TPBGL: variants seen among roughly 807,000 people sequenced by gnomAD.
TPBGL encodes trophoblast glycoprotein-like.
For missense variants in TPBGL, 685 were observed against 609.4 expected (o/e 1.12, Z -1.31); for synonymous variants, 380 against 314.8 (o/e 1.21, Z -2.19).
Position 75,243,480 on chromosome 11 carries a change from C to G in TPBGL, c.*1282C>G, listed in dbSNP as rs1017183870. On this transcript the variant is annotated 3_prime_UTR_variant, in exon 1 of 1. Transcript: ENST00000562197. The stretch of plus-strand genomic sequence containing the variant: ...TCAGAAGCTCAGCACCTTGCCTTCT[C>G]CATGATCCCAAAGCACAATTGGTGA... 1 of 152,280 alleles carries G rather than the reference C, an allele frequency of 6.6e-6. No individual in the cohort carries two copies. The highest frequency in any genetic ancestry group is 1.5e-5 in the Non-Finnish European group (1 of 68,068). 9.4% of individuals were successfully genotyped at this position (152,280 alleles called of 1,614,324 possible).
In TPBGL at chr11:75,242,149, C is replaced by T; in HGVS notation, c.1100C>T (p.Pro367Leu). 1.7e-6 allele frequency: 2 copies of T among 1,202,332 alleles called. No homozygotes were observed. The highest frequency in any genetic ancestry group is 2.1e-6 in the Non-Finnish European group (2 of 972,234). The allele number at this position is 1,202,332 out of a possible 1,614,324, so 74.5% of individuals were successfully genotyped here. ...GCCGACCCGCGCCGCGCGCCCGCGC[C>T]CGCCGCGCCCGCGGGCTCCCGCGCC... ...QDADPRRAPA[P>L]AAPAGSRATS... Residue 367 changes from proline (P) to leucine (L), a missense_variant, in exon 1 of 1, where the codon CCC becomes CTC. Physicochemically the swap from Pro to Leu is moderately conservative, Grantham distance 98. Transcript: ENST00000562197.
chr11:75,242,186 C>G lies in TPBGL; in HGVS notation c.1137C>G (p.Gly379=), dbSNP rs374014009. ...APAGSRATSP[G]SGL ...CGGGCTCCCGCGCCACCTCCCCGGG[C>G]TCGGGGCTCTGAGCGGCGCCCCCGG... The change falls in exon 1 of 1, where the codon GGC becomes GGG. Residue 379 remains glycine (G), a synonymous_variant. Transcript: ENST00000562197. The G allele has an allele frequency of 8.7e-7, 1 of 1,146,284 alleles. No homozygotes were observed. 71.0% of individuals were successfully genotyped at this position (1,146,284 alleles called of 1,614,324 possible).
chr11:75,241,344 CT>C lies in TPBGL; in HGVS notation c.296del (p.Leu99ArgfsTer81). 1 of 1,361,926 alleles carries C rather than the reference CT, an allele frequency of 7.3e-7. No homozygotes were observed. The highest frequency in any genetic ancestry group is 9.4e-7 in the Non-Finnish European group (1 of 1,061,988). The allele number at this position is 1,361,926 out of a possible 1,614,324, so 84.4% of individuals were successfully genotyped here. ...AGVRLPLLSA[L>X]RLTHNHIEVV... is the part of the protein sequence containing the mutation. ...CGTGCGCCTGCCGCTCCTGAGCGCG[CT>C]GCGCCTCACGCACAACCACATCGAG... On this transcript the variant is annotated frameshift_variant, in exon 1 of 1. Transcript: ENST00000562197. LOFTEE classifies it low-confidence loss of function (END_TRUNC).
chr11:75,243,665 G>C lies in TPBGL; in HGVS notation c.*1467G>C, dbSNP rs947030128. ...CCCAGAAAATCTGGATCTCCCTTGA[G>C]CAGTTTTCTATAAAGTCTGCAATAA... On this transcript the variant is annotated 3_prime_UTR_variant, in exon 1 of 1. Coordinates refer to ENST00000562197, the MANE Select transcript of TPBGL (RefSeq NM_001195528.2). The C allele has an allele frequency of 6.6e-6, 1 of 152,206 alleles. No homozygotes were observed. The highest frequency in any genetic ancestry group is 2.4e-5 in the African/African-American group (1 of 41,434). The allele number at this position is 152,206 out of a possible 1,614,324, so 9.4% of individuals were successfully genotyped here. A position where few individuals can be genotyped will look rare whatever the true frequency, so the allele number is the denominator to read the frequency against.
rs748555676 is a variant in TPBGL at position 75,241,801 on chromosome 11, A to G, written c.752A>G (p.Asn251Ser). The change falls in exon 1 of 1, where the codon AAC becomes AGC. Residue 251 changes from asparagine to serine, a missense_variant. Transcript: ENST00000562197. Reference sequence around the variant, plus strand: ...CGCCCCCTGCTGGCCTGGCTGCGCAACGCCACGGAGCGCGTGCCCGACTCG... The same window carrying G: ...CGCCCCCTGCTGGCCTGGCTGCGCAGCGCCACGGAGCGCGTGCCCGACTCG... ...AARPLLAWLR[N>S]ATERVPDSRR... 2.1e-5 allele frequency: 27 copies of G among 1,308,674 alleles called. No homozygotes were observed. The South Asian group carries it at 5.0e-4, about 24-fold the overall frequency. The allele number at this position is 1,308,674 out of a possible 1,614,324, so 81.1% of individuals were successfully genotyped here.
At position 75,241,842 on chromosome 11, in the gene TPBGL, G is replaced by A. The variant is rs1234937348; in HGVS notation, c.793G>A (p.Ala265Thr). The A allele has an allele frequency of 7.0e-6, 9 of 1,291,972 alleles. No homozygotes were observed. The highest frequency in any genetic ancestry group is 2.9e-4 in the Middle Eastern group (1 of 3,466). 80.0% of individuals were successfully genotyped at this position (1,291,972 alleles called of 1,614,324 possible). A position where few individuals can be genotyped will look rare whatever the true frequency, so the allele number is the denominator to read the frequency against. The change falls in exon 1 of 1, where the codon GCC (alanine) becomes ACC (threonine). Residue 265 changes from alanine (A) to threonine (T), a missense_variant. Ala to Thr is a moderately conservative substitution (Grantham distance 58). Coordinates refer to ENST00000562197, the MANE Select transcript of TPBGL (RefSeq NM_001195528.2). Reference sequence around the variant, plus strand: ...GCCCGACTCGCGGCGCCTGCGCTGCGCCGCCCCGCGGGCGCTGCTAGACCG... The same window carrying A: ...GCCCGACTCGCGGCGCCTGCGCTGCACCGCCCCGCGGGCGCTGCTAGACCG... ...RVPDSRRLRC[A>T]APRALLDRPL... is the part of the protein sequence containing the mutation.
In TPBGL at chr11:75,242,070, C is replaced by G. The variant is rs1565567878; in HGVS notation, c.1021C>G (p.Arg341Gly). ...RGIQRWMRNL[R>G]EACRDQMEGY... ...CATCCAGCGCTGGATGCGCAACCTG[C>G]GCGAGGCGTGCCGGGACCAGATGGA... Residue 341 changes from arginine to glycine, a missense_variant, in exon 1 of 1, where the codon CGC becomes GGC. Coordinates refer to ENST00000562197, the MANE Select transcript of TPBGL (RefSeq NM_001195528.2). 1.4e-6 allele frequency: 2 copies of G among 1,442,582 alleles called. No individual in the cohort carries two copies. The highest frequency in any genetic ancestry group is 2.6e-5 in the South Asian group (2 of 76,274). 89.4% of individuals were successfully genotyped at this position (1,442,582 alleles called of 1,614,324 possible). A position where few individuals can be genotyped will look rare whatever the true frequency, so the allele number is the denominator to read the frequency against.
Position 75,241,689 on chromosome 11 carries a change from G to A in TPBGL, c.640G>A (p.Glu214Lys), listed in dbSNP as rs1250366431. 2.0e-5 allele frequency: 25 copies of A among 1,274,870 alleles called. No individual in the cohort carries two copies. Among genetic ancestry groups the A allele is most frequent in the Non-Finnish European group, 2.4e-5 (24 of 1,008,374 alleles). 79.0% of individuals were successfully genotyped at this position (1,274,870 alleles called of 1,614,324 possible). A position where few individuals can be genotyped will look rare whatever the true frequency, so the allele number is the denominator to read the frequency against. ...LNALAGLDPD[E>K]LRALERDGGL... ...CGCGCTGGCCGGCCTGGACCCCGAC[G>A]AGCTGCGCGCGCTGGAGCGCGATGG... The change falls in exon 1 of 1, where the codon GAG (glutamate) becomes AAG (lysine). Residue 214 changes from glutamate (E) to lysine (K), a missense_variant. Transcript: ENST00000562197.
chr11:75,243,452 G>C lies in TPBGL; in HGVS notation c.*1254G>C, dbSNP rs1229245622. ...CTCAGGCACAAGCCCTCCTGGTTCA[G>C]GGTCAGAAGCTCAGCACCTTGCCTT... On this transcript the variant is annotated 3_prime_UTR_variant, in exon 1 of 1. Transcript: ENST00000562197. 6.6e-6 allele frequency: 1 copy of C among 152,328 alleles called. No homozygotes were observed. Among genetic ancestry groups the C allele is most frequent in the Admixed American group, 6.5e-5 (1 of 15,276 alleles). 9.4% of individuals were successfully genotyped at this position (152,328 alleles called of 1,614,324 possible).
rs1043329261 is a variant in TPBGL at position 75,242,346 on chromosome 11, A to G, written c.*148A>G. 7 of 983,512 alleles carry G rather than the reference A, an allele frequency of 7.1e-6. 1 individual carries two copies. The Admixed American group carries it at 2.2e-4, about 31-fold the overall frequency. 60.9% of individuals were successfully genotyped at this position (983,512 alleles called of 1,614,324 possible). ...CCCGCCTCCGAGAGCTCCCACCGTC[A>G]AAGACCCAGAGATAGCCGGTCCGAA... On this transcript the variant is annotated 3_prime_UTR_variant, in exon 1 of 1. Coordinates refer to ENST00000562197, the MANE Select transcript of TPBGL (RefSeq NM_001195528.2).
Position 75,241,602 on chromosome 11 carries a change from AGCCGTCT to A in TPBGL, c.558_564del (p.Leu187GlnfsTer83). The A allele has an allele frequency of 7.6e-7, 1 of 1,316,234 alleles. No homozygotes were observed. The highest frequency in any genetic ancestry group is 9.8e-7 in the Non-Finnish European group (1 of 1,025,022). 81.5% of individuals were successfully genotyped at this position (1,316,234 alleles called of 1,614,324 possible). ...GCTGGGCCTAGCGGGCAACGCGCTG[AGCCGTCT>A]GCCGCCAGCCGCCCTGCGCCTGGCG... On this transcript the variant is annotated frameshift_variant, in exon 1 of 1. Coordinates refer to ENST00000562197, the MANE Select transcript of TPBGL (RefSeq NM_001195528.2). LOFTEE classifies it low-confidence loss of function (END_TRUNC).
Position 75,241,968 on chromosome 11 carries a change from T to G in TPBGL, c.919T>G (p.Ser307Ala), listed in dbSNP as rs1945604740. Reference protein sequence around the residue: ...AEAAGPELEASYVFFGLVLAL... With the variant: ...AEAAGPELEAAYVFFGLVLAL... The stretch of plus-strand genomic sequence containing the variant: ...GGCCGCCGGCCCGGAGCTGGAAGCC[T>G]CCTACGTGTTCTTCGGGCTGGTGCT... The change falls in exon 1 of 1, where the codon TCC (serine) becomes GCC (alanine). Residue 307 changes from serine (S) to alanine (A), a missense_variant. Ser to Ala is a moderately conservative substitution (Grantham distance 99, BLOSUM62 1). Transcript: ENST00000562197. 1 of 1,498,408 alleles carries G rather than the reference T, an allele frequency of 6.7e-7. No homozygotes were observed. The highest frequency in any genetic ancestry group is 1.4e-5 in the African/African-American group (1 of 70,192). The allele number at this position is 1,498,408 out of a possible 1,614,324, so 92.8% of individuals were successfully genotyped here. A position where few individuals can be genotyped will look rare whatever the true frequency, so the allele number is the denominator to read the frequency against.
At position 75,241,657 on chromosome 11, in the gene TPBGL, G is replaced by A. The variant is rs1470345635; in HGVS notation, c.608G>A (p.Arg203His). The change falls in exon 1 of 1, where the codon CGC becomes CAC. Residue 203 changes from arginine (R) to histidine (H), a missense_variant. Arg to His is a conservative substitution (Grantham distance 29). Coordinates refer to ENST00000562197, the MANE Select transcript of TPBGL (RefSeq NM_001195528.2). ...GCGCGCCTGGAGCAGCTGGACGTGCGCCTCAACGCGCTGGCCGGCCTGGAC... is the reference window on the plus strand; with the variant it reads ...GCGCGCCTGGAGCAGCTGGACGTGCACCTCAACGCGCTGGCCGGCCTGGAC... The part of the protein sequence containing the change: ...RLARLEQLDV[R>H]LNALAGLDPD... The A allele has an allele frequency of 2.3e-6, 3 of 1,307,174 alleles. No individual in the cohort carries two copies. The highest frequency in any genetic ancestry group is 1.7e-5 in the South Asian group (1 of 60,296). The allele number at this position is 1,307,174 out of a possible 1,614,324, so 81.0% of individuals were successfully genotyped here.
chr11:75,241,876 T>A lies in TPBGL; in HGVS notation c.827T>A (p.Leu276Gln). 2 of 1,437,540 alleles carry A rather than the reference T, an allele frequency of 1.4e-6. No individual in the cohort carries two copies. The allele number at this position is 1,437,540 out of a possible 1,614,324, so 89.0% of individuals were successfully genotyped here. Residue 276 changes from leucine (L) to glutamine (Q), a missense_variant, in exon 1 of 1, where the codon CTG (leucine) becomes CAG (glutamine). By Grantham distance (113) the Leu-to-Gln change is moderately radical. Coordinates refer to ENST00000562197, the MANE Select transcript of TPBGL (RefSeq NM_001195528.2). ...CGGGCGCTGCTAGACCGGCCGCTAC[T>A]GGACCTGGACGGGGCGCGGCTTCGC... ...APRALLDRPL[L>Q]DLDGARLRCA...
In TPBGL at chr11:75,241,544, C is replaced by T; in HGVS notation, c.495C>T (p.Asp165=). The change falls in exon 1 of 1, where the codon GAC becomes GAT. Residue 165 remains aspartate (D), a synonymous_variant. Coordinates refer to ENST00000562197, the MANE Select transcript of TPBGL (RefSeq NM_001195528.2). ...RGGPALLAAL[D]AALAPLAELR... ...GCCCCGCGCTGCTGGCCGCGCTGGACGCTGCGCTGGCACCGCTGGCCGAGC... is the reference window on the plus strand; with the variant it reads ...GCCCCGCGCTGCTGGCCGCGCTGGATGCTGCGCTGGCACCGCTGGCCGAGC... 1.6e-6 allele frequency: 2 copies of T among 1,260,846 alleles called. No homozygotes were observed. The highest frequency in any genetic ancestry group is 2.0e-6 in the Non-Finnish European group (2 of 998,588). 78.1% of individuals were successfully genotyped at this position (1,260,846 alleles called of 1,614,324 possible). A position where few individuals can be genotyped will look rare whatever the true frequency, so the allele number is the denominator to read the frequency against.
In TPBGL at chr11:75,241,104, G is replaced by A; in HGVS notation, c.55G>A (p.Ala19Thr). The change falls in exon 1 of 1, where the codon GCG (alanine) becomes ACG (threonine). Residue 19 changes from alanine (A) to threonine (T), a missense_variant. By Grantham distance (58) the Ala-to-Thr change is moderately conservative (BLOSUM62 0). Coordinates refer to ENST00000562197, the MANE Select transcript of TPBGL (RefSeq NM_001195528.2). ...CCAGGGGCTGCTGCTCGTGGCGGCG[G>A]CGCTGAGCCAGCCCGCGGCACCCTG... ...GLQGLLLVAA[A>T]LSQPAAPCPF... 7.2e-7 allele frequency: 1 copy of A among 1,382,692 alleles called. No homozygotes were observed. Among genetic ancestry groups the A allele is most frequent in the South Asian group, 1.5e-5 (1 of 64,752 alleles). The allele number at this position is 1,382,692 out of a possible 1,614,324, so 85.7% of individuals were successfully genotyped here.
At position 75,241,072 on chromosome 11, in the gene TPBGL, C is replaced by T; in HGVS notation, c.23C>T (p.Pro8Leu). 7.7e-7 allele frequency: 1 copy of T among 1,291,878 alleles called. No homozygotes were observed. The highest frequency in any genetic ancestry group is 9.8e-7 in the Non-Finnish European group (1 of 1,022,416). The allele number at this position is 1,291,878 out of a possible 1,614,324, so 80.0% of individuals were successfully genotyped here. MAPRAGQ[P>L]GLQGLLLVAA... ...GCGATGGCCCCGCGCGCGGGACAGC[C>T]GGGGCTCCAGGGGCTGCTGCTCGTG... The change falls in exon 1 of 1, where the codon CCG becomes CTG. Residue 8 changes from proline to leucine, a missense_variant. Physicochemically the swap from Pro to Leu is moderately conservative, Grantham distance 98. Coordinates refer to ENST00000562197, the MANE Select transcript of TPBGL (RefSeq NM_001195528.2).
chr11:75,241,260 A>G lies in TPBGL; in HGVS notation c.211A>G (p.Thr71Ala). 1 of 1,394,838 alleles carries G rather than the reference A, an allele frequency of 7.2e-7. No individual in the cohort carries two copies. The highest frequency in any genetic ancestry group is 9.3e-7 in the Non-Finnish European group (1 of 1,077,924). 86.4% of individuals were successfully genotyped at this position (1,394,838 alleles called of 1,614,324 possible). Residue 71 changes from threonine to alanine, a missense_variant, in exon 1 of 1, where the codon ACG (threonine) becomes GCG (alanine). Thr to Ala is a moderately conservative substitution (Grantham distance 58). Transcript: ENST00000562197. Reference sequence around the variant, plus strand: ...CCTCACCATCGTAGGCGCCAACCTGACGGTGCTGCGCGCGGCCGCCTTCGC... The same window carrying G: ...CCTCACCATCGTAGGCGCCAACCTGGCGGTGCTGCGCGCGGCCGCCTTCGC... ...RNLTIVGANL[T>A]VLRAAAFAGG...
rs1371299879 is a variant in TPBGL, at chr11:75,241,762, G to A, written c.713G>A (p.Cys238Tyr). The change falls in exon 1 of 1, where the codon TGC (cysteine) becomes TAC (tyrosine). Residue 238 changes from cysteine (C) to tyrosine (Y), a missense_variant. Cys to Tyr is a radical substitution (Grantham distance 194, BLOSUM62 -2). Coordinates refer to ENST00000562197, the MANE Select transcript of TPBGL (RefSeq NM_001195528.2). ...CTGCTCGCCGACAACCCCCTGCGCT[G>A]CGGCTGTGCCGCACGCCCCCTGCTG... is the stretch of plus-strand genomic sequence containing the variant. ...RLLLADNPLR[C>Y]GCAARPLLAW... 65 of 1,305,564 alleles carry A rather than the reference G, an allele frequency of 5.0e-5. No individual in the cohort carries two copies. The highest frequency in any genetic ancestry group is 6.1e-5 in the Non-Finnish European group (63 of 1,025,208). 80.9% of individuals were successfully genotyped at this position (1,305,564 alleles called of 1,614,324 possible). A position where few individuals can be genotyped will look rare whatever the true frequency, so the allele number is the denominator to read the frequency against.
Sources: gnomAD v4.1 joint callset for allele counts on GRCh38, gnomAD v4.1.1 for gene constraint, MANE v1.5 for transcripts, NCBI Gene and HGNC (gene_info 2026-07-23, HGNC 2026-07-21) for gene names.